LPIN2: variants seen among roughly 807,000 people sequenced by gnomAD.
LPIN2 encodes the protein lipin 2.
Under a neutral mutation model 111.4 loss-of-function variants are expected in LPIN2, and 55 were observed. The observed-to-expected ratio is 0.49, with a 90% CI of 0.40 to 0.62. LPIN2 has a LOEUF of 0.62. LPIN2 is among the 20% of genes least tolerant of loss of function. The pLI, the probability that LPIN2 is intolerant of heterozygous loss-of-function variation, is 0.00. For missense variants in LPIN2, 992 were observed against 1,112.1 expected (o/e 0.89, Z 1.54); for synonymous variants, 425 against 414.0 (o/e 1.03, Z -0.32).
intron 19 of LPIN2, 118 bp from the exon 20 acceptor site, chr18:2,920,555 GC>G: frequency 3.6e-6 from 4 of 1,106,676 alleles, no homozygotes; most frequent in Non-Finnish European, 5.5e-6. Context: ...TCAGAGGCAG[GC>G]CTCAGTCCCA....
intron 1 of LPIN2, among the ~76,000 whole-genome samples, chr18:3,004,731 A>G (rs1014975952): frequency 1.3e-5 from 2 of 152,192 alleles, no homozygotes; most frequent in African/African-American, 4.8e-5. Flanking sequence ...CCTTCCTATC[A>G]GGATGAGCCC....
intron 1 of LPIN2, among the ~76,000 whole-genome samples, chr18:2,970,459 C>T (rs113266453): frequency 1.2e-4 from 18 of 152,372 alleles, no homozygotes; most frequent in African/African-American, 4.3e-4. Flanking sequence ...GAAGGCCCAC[C>T]AGCTTGGAAC....
intron 9 of LPIN2, 112 bp from the exon 10 acceptor site, chr18:2,929,270 A>C: frequency 1.3e-6 from 1 of 780,458 alleles, no homozygotes; most frequent in East Asian, 2.5e-5. Context: ...TGTCTAAAAA[A>C]ACTAATTTTT....
intron 3 of LPIN2, 92 bp from the exon 4 acceptor site, chr18:2,951,448 GT>G (rs2077536431): frequency 7.4e-6 from 7 of 944,672 alleles, no homozygotes; most frequent in African/African-American, 2.7e-5. Flanking sequence ...TTTCACCATG[GT>G]AAAAAAAAAA....
At chr18:2,975,882 G>A (rs2078005273) in intron 1 of LPIN2, among the ~76,000 whole-genome samples, 1 of 152,136 alleles carries the variant, frequency 6.6e-6, no homozygotes, top group Non-Finnish European at 1.5e-5. Context: ...GACTATCACT[G>A]ACATTGGTGG....
chr18:2,996,146 G>A (rs1441307992), intron 1 of LPIN2, among the ~76,000 whole-genome samples: 4 of 152,034 alleles, frequency 2.6e-5, no homozygotes, highest in Admixed American at 6.6e-5. Flanking sequence ...TGAGACCATC[G>A]TGGTCAACAC....
intron 6 of LPIN2, 24 bp downstream of exon 6, chr18:2,939,456 C>G: frequency 6.2e-7 from 1 of 1,612,800 alleles, no homozygotes; most frequent in Non-Finnish European, 8.5e-7. Flanking sequence ...AACACACTTT[C>G]CACAGGCAAG....
At chr18:2,963,757 G>A (rs1049090596) in intron 1 of LPIN2, among the ~76,000 whole-genome samples, 6 of 151,714 alleles carry the variant, frequency 4.0e-5, no homozygotes, top group Non-Finnish European at 8.8e-5. Flanking sequence ...TGAGGCTTAC[G>A]GGCATAAATA....
chr18:2,957,755 A>G (rs965594805), intron 2 of LPIN2, among the ~76,000 whole-genome samples: 3 of 152,222 alleles, frequency 2.0e-5, no homozygotes, highest in Admixed American at 2.0e-4. Flanking sequence ...GGGGAAAGAA[A>G]AAGGGAATTC....
intron 7 of LPIN2, among the ~76,000 whole-genome samples, chr18:2,937,219 AG>A (rs1030973575): frequency 3.9e-5 from 6 of 152,102 alleles, no homozygotes; most frequent in Admixed American, 1.3e-4. Flanking sequence ...TGGACTTTCC[AG>A]GGGGACGCCA....
At chr18:2,961,804 A>T (rs552914783) in intron 1 of LPIN2, among the ~76,000 whole-genome samples, 1 of 152,226 alleles carries the variant, frequency 6.6e-6, no homozygotes, top group Non-Finnish European at 1.5e-5. Context: ...AGTGAAAGCC[A>T]TTCTGGGGAC....
intron 3 of LPIN2, 29 bp downstream of exon 3, chr18:2,954,475 T>C: frequency 6.5e-7 from 1 of 1,530,066 alleles, no homozygotes; most frequent in African/African-American, 1.4e-5. Flanking sequence ...GCACACTGTG[T>C]AAGGAGGGTG....
At chr18:2,981,318 T>C (rs1343921958) in intron 1 of LPIN2, among the ~76,000 whole-genome samples, 1 of 152,200 alleles carries the variant, frequency 6.6e-6, no homozygotes, top group African/African-American at 2.4e-5. Flanking sequence ...AGATATCAGA[T>C]CCTTATCCCA....
chr18:2,978,048 G>A (rs1002118346), intron 1 of LPIN2, among the ~76,000 whole-genome samples: 4 of 152,096 alleles, frequency 2.6e-5, no homozygotes, highest in Admixed American at 1.3e-4. Flanking sequence ...AAAAGAAGCC[G>A]GGAGTGGTGG....
Position 2,924,415 on chromosome 18 carries a change from A to G in LPIN2, c.2070T>C (p.Ile690=), listed in dbSNP as rs1207111234. The G allele has an allele frequency of 1.2e-6, 2 of 1,614,074 alleles. No homozygotes were observed. Among genetic ancestry groups the G allele is most frequent in the Non-Finnish European group, 1.7e-6 (2 of 1,180,042 alleles). ...NWNDKIIISD[I]DGTITKSDAL... ...GAGCTTACTTGGTTATTGTCCCATC[A>G]ATATCAGAAATGATGATCTTGTCAT... The change falls in exon 15 of 20, where the codon ATT becomes ATC. Residue 690 remains isoleucine, a synonymous_variant. Transcript: ENST00000677752.
In LPIN2 at chr18:2,926,825, A is replaced by G; in HGVS notation, c.1711-20T>C. On this transcript the variant is annotated intron_variant, in intron 12 of 19. Coordinates refer to ENST00000677752, the MANE Select transcript of LPIN2 (RefSeq NM_001375808.2). ...TGGCAGCTGTAACAGCAAGATGATA[A>G]TGGCAACATGCAATTTTTTCCCTAC... is the stretch of plus-strand genomic sequence containing the variant. 1 of 1,602,644 alleles carries G rather than the reference A, an allele frequency of 6.2e-7. No individual in the cohort carries two copies. The highest frequency in any genetic ancestry group is 1.7e-5 in the Admixed American group (1 of 59,938).
intron 8 of LPIN2, among the ~76,000 whole-genome samples, chr18:2,932,724 G>A (rs2077228555): frequency 6.6e-6 from 1 of 152,198 alleles, no homozygotes; most frequent in Non-Finnish European, 1.5e-5. Context: ...AGGCATACAT[G>A]GTGCCCCTCC....
intron 1 of LPIN2, among the ~76,000 whole-genome samples, chr18:3,005,733 G>T (rs548781749): frequency 6.7e-6 from 1 of 149,936 alleles, no homozygotes; most frequent in Admixed American, 6.6e-5. Context: ...CCTAATAAAC[G>T]TAACAACAAC....
At chr18:2,959,523 A>T (rs1438775580) in intron 2 of LPIN2, among the ~76,000 whole-genome samples, 1 of 152,204 alleles carries the variant, frequency 6.6e-6, no homozygotes, top group East Asian at 1.9e-4. Flanking sequence ...AAGCCTTTCT[A>T]TGTTATTTAA....
Sources: gnomAD v4.1 joint callset for allele counts (sites outside exome capture counted in the v4.1 genomes callset) on GRCh38, gnomAD v4.1.1 for gene constraint, MANE v1.5 for transcripts, NCBI Gene and HGNC (gene_info 2026-07-23, HGNC 2026-07-21) for gene names.